Variants in NPLOC4 observed in about 807,000 individuals in gnomAD.
NPLOC4 encodes the protein NPL4 homolog, ubiquitin recognition factor.
A neutral mutation model predicts 80.6 loss-of-function variants in NPLOC4; 18 were observed. The observed-to-expected ratio is 0.22, with a 90% CI of 0.15 to 0.33. The LOEUF (loss-of-function observed/expected upper bound fraction) is 0.33. Ranked by LOEUF, NPLOC4 falls within the 10% of genes least tolerant of loss-of-function variation. The pLI is 1.00. For synonymous variants in NPLOC4, 313 were observed against 301.5 expected, an observed-to-expected ratio of 1.04 and a Z score of -0.39; for missense variants, 540 against 786.1, an observed-to-expected ratio of 0.69 and a Z score of 3.74.
Position 81,604,209 on chromosome 17 carries a change from A to G in NPLOC4, c.834+339T>C, listed in dbSNP as rs149283524. On this transcript the variant is annotated intron_variant, in intron 8 of 16. Transcript: ENST00000331134. ...TGGTTCCTAAGACAGTGACTGCTGC[A>G]TGGTGGAAGAGACACAGAATGACAC... is the stretch of plus-strand genomic sequence containing the variant. Among the ~76,000 whole-genome samples, 1,518 of 152,296 alleles carry G rather than the reference A, an allele frequency of 1.0e-2. 12 individuals are homozygous for G. The highest frequency in any genetic ancestry group is 0.017 in the Middle Eastern group (5 of 294).
At position 81,604,657 on chromosome 17, in the gene NPLOC4, C is replaced by T; in HGVS notation, c.725G>A (p.Arg242Lys). 1 of 1,613,906 alleles carries T rather than the reference C, an allele frequency of 6.2e-7. No homozygotes were observed. Among genetic ancestry groups the T allele is most frequent in the Non-Finnish European group, 8.5e-7 (1 of 1,179,844 alleles). The change falls in exon 8 of 17, where the codon AGA becomes AAA. Residue 242 changes from arginine to lysine, a missense_variant. Physicochemically the swap from Arg to Lys is conservative, Grantham distance 26 (BLOSUM62 2). Coordinates refer to ENST00000331134, the MANE Select transcript of NPLOC4 (RefSeq NM_017921.4). ...CCCAAAATGCTGGTTCCCTGTCTTTCTCCAGAAGTCAAGAAAGCGGTCAGC... is the reference window on the plus strand; with the variant it reads ...CCCAAAATGCTGGTTCCCTGTCTTTTTCCAGAAGTCAAGAAAGCGGTCAGC... ...TVADRFLDFW[R>K]KTGNQHFGYL...
chr17:81,614,110 A>G (rs1284017794), intron 3 of NPLOC4, among the ~76,000 whole-genome samples: 27 of 151,832 alleles, frequency 1.8e-4, no homozygotes, highest in Admixed American at 1.8e-3. Flanking sequence ...TCTCGTCTCT[A>G]TTAAAAATAC....
intron 12 of NPLOC4, among the ~76,000 whole-genome samples, chr17:81,579,566 C>A (rs992827338): frequency 6.6e-6 from 1 of 152,050 alleles, no homozygotes; most frequent in Admixed American, 6.6e-5. Flanking sequence ...GATCCCCAAA[C>A]CTGCATCCCA....
At chr17:81,586,773 AAG>A (rs1193557509) in intron 12 of NPLOC4, among the ~76,000 whole-genome samples, 1 of 152,226 alleles carries the variant, frequency 6.6e-6, no homozygotes. Context: ...TCACCTCACA[AAG>A]AGCTCTACCA....
At chr17:81,612,200 GGGCGCC>G (rs971315953) in intron 4 of NPLOC4, among the ~76,000 whole-genome samples, 8 of 152,240 alleles carry the variant, frequency 5.3e-5, no homozygotes, top group Admixed American at 6.5e-5. Flanking sequence ...TGGTTTACGA[GGGCGCC>G]GGCGGCCGTC....
chr17:81,585,078 A>G (rs57856422), intron 12 of NPLOC4, among the ~76,000 whole-genome samples: 103,568 of 150,310 alleles, frequency 0.69, 36,665 homozygotes, highest in Non-Finnish European at 0.77. Flanking sequence ...GCTGAGGCAG[A>G]AGAATTGCTT....
rs1598705441 is a variant in NPLOC4, at chr17:81,637,015, A to T, written c.-85T>A. On this transcript the variant is annotated 5_prime_UTR_variant, in exon 1 of 17. Coordinates refer to ENST00000331134, the MANE Select transcript of NPLOC4 (RefSeq NM_017921.4). ...GCCTCGCAGACCCGGCCGCGGCCTCAGCCCCGGCCCCGGCCTCCCTACGCC... is the reference window on the plus strand; with the variant it reads ...GCCTCGCAGACCCGGCCGCGGCCTCTGCCCCGGCCCCGGCCTCCCTACGCC... 6.5e-6 allele frequency: 6 copies of T among 917,084 alleles called. No homozygotes were observed. Among genetic ancestry groups the T allele is most frequent in the Non-Finnish European group, 8.4e-6 (6 of 713,022 alleles). The allele number at this position is 917,084 out of a possible 1,614,324, so 56.8% of individuals were successfully genotyped here.
At chr17:81,630,913 C>T (rs1396714924) in intron 1 of NPLOC4, among the ~76,000 whole-genome samples, 1 of 152,096 alleles carries the variant, frequency 6.6e-6, no homozygotes, top group East Asian at 1.9e-4. Context: ...TGGCTCCTGC[C>T]TGTAATCCCA....
intron 5 of NPLOC4, among the ~76,000 whole-genome samples, chr17:81,609,802 C>T (rs188450628): frequency 2.6e-5 from 4 of 152,272 alleles, no homozygotes; most frequent in Admixed American, 6.5e-5. Flanking sequence ...CAGTTCCAGT[C>T]GGCATTATTA....
chr17:81,583,547 G>C (rs752728758), intron 12 of NPLOC4, among the ~76,000 whole-genome samples: 7 of 152,212 alleles, frequency 4.6e-5, no homozygotes, highest in Non-Finnish European at 1.0e-4. Context: ...CCCCAGAGAT[G>C]AGTGAGGCTG....
At chr17:81,619,678 A>C (rs1156682461) in intron 3 of NPLOC4, among the ~76,000 whole-genome samples, 1 of 152,060 alleles carries the variant, frequency 6.6e-6, no homozygotes, top group East Asian at 1.9e-4. Context: ...CAAGAGATTG[A>C]GATCAGCCTG....
Position 81,613,419 on chromosome 17 carries a change from C to G in NPLOC4, c.285G>C (p.Pro95=). 6.2e-7 allele frequency: 1 copy of G among 1,613,918 alleles called. No homozygotes were observed. Among genetic ancestry groups the G allele is most frequent in the East Asian group, 2.2e-5 (1 of 44,882 alleles). The change falls in exon 4 of 17, where the codon CCG becomes CCC. Residue 95 remains proline, a synonymous_variant. Transcript: ENST00000331134. ...PSSEMETSVP[P]GFKVFGAPNV... ...TGGGAGCGCCAAAGACTTTGAAGCCCGGTGGAACTGACGTCTCCATTTCAG... is the reference window on the plus strand; with the variant it reads ...TGGGAGCGCCAAAGACTTTGAAGCCGGGTGGAACTGACGTCTCCATTTCAG...
Position 81,559,268 on chromosome 17 carries a change from G to A in NPLOC4, c.1818C>T (p.Pro606=), listed in dbSNP as rs1421086232. 4.4e-6 allele frequency: 7 copies of A among 1,602,612 alleles called. No homozygotes were observed. The highest frequency in any genetic ancestry group is 2.3e-5 in the East Asian group (1 of 44,426). The change falls in exon 17 of 17, where the codon CCC becomes CCT. Residue 606 remains proline, a synonymous_variant. Coordinates refer to ENST00000331134, the MANE Select transcript of NPLOC4 (RefSeq NM_017921.4). ...GTGHCEMCSL[P]RT ...GCAGAGGGCAGGCGCCCTAGGTCCT[G>A]GGGAGGCTGCACATCTCGCAGTGGC...
At chr17:81,569,360 C>T (rs1011091942) in intron 13 of NPLOC4, among the ~76,000 whole-genome samples, 7 of 152,210 alleles carry the variant, frequency 4.6e-5, no homozygotes, top group African/African-American at 1.7e-4. Flanking sequence ...GCACCGGCCT[C>T]GACGTCGGAC....
chr17:81,620,916 G>A (rs374665540), intron 3 of NPLOC4, among the ~76,000 whole-genome samples: 9 of 151,568 alleles, frequency 5.9e-5, no homozygotes, highest in Non-Finnish European at 7.4e-5. Context: ...CCAGCTACTC[G>A]GGAGGCTGAG....
intron 3 of NPLOC4, among the ~76,000 whole-genome samples, chr17:81,620,745 G>A (rs1568162277): frequency 6.6e-6 from 1 of 152,190 alleles, no homozygotes; most frequent in African/African-American, 2.4e-5. Context: ...AGCGGGACAA[G>A]CGTGGTCGTG....
Position 81,595,521 on chromosome 17 carries a change from C to CAT in NPLOC4, c.1120+593_1120+594dup, listed in dbSNP as rs200215584. Among the ~76,000 whole-genome samples the CAT allele has an allele frequency of 6.2e-3, 650 of 104,672 alleles. 6 individuals are homozygous for CAT. Among genetic ancestry groups the CAT allele is most frequent in the Middle Eastern group, 0.021 (4 of 194 alleles). The allele number at this position is 104,672 out of a possible 152,430, so 68.7% of individuals were successfully genotyped here. On this transcript the variant is annotated intron_variant, in intron 11 of 16. Coordinates refer to ENST00000331134, the MANE Select transcript of NPLOC4 (RefSeq NM_017921.4). Reference sequence around the variant, plus strand: ...ACATCCTTGTCCATATATACATATACATATATATATATATTTTTTTTTTCT... The same window carrying CAT: ...ACATCCTTGTCCATATATACATATACATATATATATATATATTTTTTTTTTCT...
At chr17:81,607,323 G>A (rs2035230465) in intron 6 of NPLOC4, among the ~76,000 whole-genome samples, 2 of 149,974 alleles carry the variant, frequency 1.3e-5, no homozygotes, top group African/African-American at 4.9e-5. Context: ...GTTGAAGACT[G>A]TCAATGAGAA....
chr17:81,608,960 T>C (rs1350794613), intron 5 of NPLOC4, 138 bp from the exon 6 acceptor site: 6 of 604,652 alleles, frequency 9.9e-6, no homozygotes, highest in Admixed American at 8.6e-5. Context: ...GGTACTAGGG[T>C]CTCCCTTACC....
Sources: allele counts gnomAD v4.1 joint callset (sites outside exome capture counted in the v4.1 genomes callset), GRCh38; gene constraint gnomAD v4.1.1; transcripts MANE v1.5; gene names NCBI Gene and HGNC (gene_info 2026-07-23, HGNC 2026-07-21).